RCSD1: variants seen among roughly 807,000 people sequenced by gnomAD.
RCSD1 encodes the protein RCSD domain containing 1, also known as capZ-interacting protein.
In RCSD1, 26 loss-of-function variants were observed where a neutral mutation model predicts 42.5. That is an observed-to-expected ratio of 0.61 (90% CI 0.45 to 0.85). RCSD1 has a LOEUF of 0.85. Ranked by LOEUF, RCSD1 falls within the 40% of genes least tolerant of loss-of-function variation. The pLI is 0.00. For synonymous variants in RCSD1, 220 were observed against 212.2 expected (o/e 1.04, Z -0.32); for missense variants, 571 against 528.3 (o/e 1.08, Z -0.79).
chr1:167,636,208 G>A (rs1657847374), intron 1 of RCSD1, among the ~76,000 whole-genome samples: 1 of 152,182 alleles, frequency 6.6e-6, no homozygotes, highest in South Asian at 2.1e-4. Context: ...CCTATTCCAT[G>A]GGAAGGGCCT....
intron 6 of RCSD1, among the ~76,000 whole-genome samples, chr1:167,701,032 C>T (rs1007322930): frequency 3.9e-5 from 6 of 152,204 alleles, no homozygotes; most frequent in African/African-American, 1.4e-4. Context: ...GGCAGGCTCA[C>T]TGGTAATCTC....
chr1:167,640,137 G>T (rs1475074433), intron 1 of RCSD1, among the ~76,000 whole-genome samples: 1 of 152,214 alleles, frequency 6.6e-6, no homozygotes, highest in African/African-American at 2.4e-5. Context: ...AGTGGAGTTG[G>T]CAGGTGTATG....
intron 1 of RCSD1, among the ~76,000 whole-genome samples, chr1:167,670,379 C>T (rs926899180): frequency 9.5e-5 from 14 of 147,020 alleles, no homozygotes; most frequent in Middle Eastern, 3.4e-3. Flanking sequence ...AAAAACCACT[C>T]GAGCTGTTCA....
chr1:167,680,763 G>A (rs1053007443), intron 1 of RCSD1, among the ~76,000 whole-genome samples: 2 of 152,190 alleles, frequency 1.3e-5, no homozygotes, highest in Non-Finnish European at 2.9e-5. Context: ...TTGAGCTACT[G>A]TGCCCAGCCA....
intron 6 of RCSD1, among the ~76,000 whole-genome samples, chr1:167,698,399 G>A (rs1195759274): frequency 6.6e-6 from 1 of 152,238 alleles, no homozygotes; most frequent in Non-Finnish European, 1.5e-5. Context: ...ATGCTTCAGG[G>A]CCAAGGTAGT....
rs149874373 is a variant in RCSD1, at chr1:167,649,904, C to T, written c.6+19475C>T. ...CTTGTGTCCATAATAATAAACAGCT[C>T]ACCTGTGCCTCTGGGGCAGCTGTAA... On this transcript the variant is annotated intron_variant, in intron 1 of 6. Coordinates refer to ENST00000367854, the MANE Select transcript of RCSD1 (RefSeq NM_052862.4). 2.9e-4 allele frequency among the ~76,000 whole-genome samples: 44 copies of T among 152,244 alleles called. No homozygotes were observed. In the East Asian group the frequency reaches 7.5e-3, roughly 26 times the overall value.
chr1:167,631,080 CTG>C (rs1407500925), intron 1 of RCSD1, among the ~76,000 whole-genome samples: 2 of 152,224 alleles, frequency 1.3e-5, no homozygotes, highest in East Asian at 3.8e-4. Flanking sequence ...GCCTCTGAAG[CTG>C]TGTGTATGGA....
At chr1:167,694,008 C>A in intron 4 of RCSD1, 91 bp from the exon 5 acceptor site, 3 of 1,271,150 alleles carry the variant, frequency 2.4e-6, no homozygotes, top group Non-Finnish European at 2.3e-6. Flanking sequence ...CTAGTCTCAA[C>A]CAGGCCTGAG....
chr1:167,688,255 G>A (rs999817325), intron 3 of RCSD1, among the ~76,000 whole-genome samples: 55 of 152,170 alleles, frequency 3.6e-4, no homozygotes, highest in African/African-American at 1.2e-3. Context: ...ACAGACTTCA[G>A]AAATCAGTGG....
intron 2 of RCSD1, among the ~76,000 whole-genome samples, chr1:167,684,317 C>T (rs1185497310): frequency 1.3e-5 from 2 of 152,158 alleles, no homozygotes; most frequent in Non-Finnish European, 2.9e-5. Context: ...CTGTGCCAGG[C>T]CTGGACTGTG....
intron 1 of RCSD1, among the ~76,000 whole-genome samples, chr1:167,665,508 G>A (rs1035835124): frequency 6.6e-6 from 1 of 152,168 alleles, no homozygotes; most frequent in Non-Finnish European, 1.5e-5. Flanking sequence ...GTGTAGTGTA[G>A]GTGTATGCTT....
At chr1:167,657,022 G>T (rs1658439801) in intron 1 of RCSD1, among the ~76,000 whole-genome samples, 1 of 152,212 alleles carries the variant, frequency 6.6e-6, no homozygotes, top group South Asian at 2.1e-4. Context: ...ATGTGACCCT[G>T]GTTGGGAAAG....
At chr1:167,641,099 A>T (rs1657993329) in intron 1 of RCSD1, among the ~76,000 whole-genome samples, 1 of 152,208 alleles carries the variant, frequency 6.6e-6, no homozygotes, top group Non-Finnish European at 1.5e-5. Context: ...TGTGTCATCC[A>T]TACCCCTAGT....
At chr1:167,639,836 G>T (rs1657961785) in intron 1 of RCSD1, among the ~76,000 whole-genome samples, 1 of 152,200 alleles carries the variant, frequency 6.6e-6, no homozygotes, top group African/African-American at 2.4e-5. Flanking sequence ...CCAGAGCTGA[G>T]GCTAGGAGGG....
intron 1 of RCSD1, among the ~76,000 whole-genome samples, chr1:167,646,926 T>C (rs1325838654): frequency 6.6e-6 from 1 of 152,038 alleles, no homozygotes; most frequent in Non-Finnish European, 1.5e-5. Context: ...GGCCAGGAGT[T>C]CAAGGCCAGC....
intron 1 of RCSD1, among the ~76,000 whole-genome samples, chr1:167,659,486 CT>C (rs1346466825): frequency 6.6e-6 from 1 of 151,954 alleles, no homozygotes; most frequent in Non-Finnish European, 1.5e-5. Context: ...ATTTTAACAC[CT>C]TTTTGGGCAC....
At chr1:167,662,463 A>C (rs926180033) in intron 1 of RCSD1, among the ~76,000 whole-genome samples, 1 of 151,798 alleles carries the variant, frequency 6.6e-6, no homozygotes, top group Admixed American at 6.6e-5. Context: ...CCCGTTCACA[A>C]TTATACTTCT....
intron 1 of RCSD1, among the ~76,000 whole-genome samples, chr1:167,643,202 T>C (rs1658051628): frequency 6.6e-6 from 1 of 152,226 alleles, no homozygotes; most frequent in Non-Finnish European, 1.5e-5. Context: ...GGTGGTGTTA[T>C]TAGTATTTAT....
rs1300256886 is a variant in RCSD1 at position 167,694,110 on chromosome 1, C to T, written c.282C>T (p.Thr94=). 2 of 1,614,204 alleles carry T rather than the reference C, an allele frequency of 1.2e-6. No homozygotes were observed. The highest frequency in any genetic ancestry group is 1.7e-5 in the Admixed American group (1 of 60,028). ...PLIEKLQANL[T]FDPAALLPGA... is the part of the protein sequence containing the mutation. ...TCTTTTCTTGACAGGCCAATTTAAC[C>T]TTTGACCCAGCTGCTCTACTGCCTG... The change falls in exon 5 of 7, where the codon ACC becomes ACT. Residue 94 remains threonine (T), a synonymous_variant. Coordinates refer to ENST00000367854, the MANE Select transcript of RCSD1 (RefSeq NM_052862.4).
Sources: gnomAD v4.1 joint callset for allele counts (sites outside exome capture counted in the v4.1 genomes callset) on GRCh38, gnomAD v4.1.1 for gene constraint, MANE v1.5 for transcripts, NCBI Gene and HGNC (gene_info 2026-07-23, HGNC 2026-07-21) for gene names.